BTN3A3: variants seen among roughly 807,000 people sequenced by gnomAD.
The protein encoded by BTN3A3 is butyrophilin 3.
In BTN3A3, 39 loss-of-function variants were observed where a neutral mutation model predicts 43.2. The ratio of observed to expected loss-of-function variants is 0.90; its 90% confidence interval spans 0.70 to 1.18. The LOEUF (loss-of-function observed/expected upper bound fraction) is 1.18, where lower values mean the gene tolerates loss of function less well. Ranked by LOEUF, BTN3A3 falls within the 50% of genes most tolerant of loss-of-function variation. The pLI, the probability that BTN3A3 is intolerant of heterozygous loss-of-function variation, is 0.00. For synonymous variants in BTN3A3, 255 were observed against 272.7 expected, an observed-to-expected ratio of 0.93 and a Z score of 0.64; for missense variants, 631 against 722.8, an observed-to-expected ratio of 0.87 and a Z score of 1.46.
intron 4 of BTN3A3, chr6:26,444,727 C>G: frequency 3.4e-6 from 1 of 295,398 alleles, no homozygotes; most frequent in South Asian, 3.9e-5. Context: ...ATCAGTGACT[C>G]CCAGAAACAT....
At chr6:26,447,727 A>C (rs965562042) in intron 5 of BTN3A3, among the ~76,000 whole-genome samples, 9 of 152,076 alleles carry the variant, frequency 5.9e-5, no homozygotes, top group Non-Finnish European at 1.3e-4. Flanking sequence ...CATTACCCTC[A>C]TTTTATAGAT....
In BTN3A3 at chr6:26,444,175, G is replaced by T; in HGVS notation, c.304G>T (p.Asp102Tyr). The change falls in exon 4 of 11, where the codon GAT (aspartate) becomes TAT (tyrosine). Residue 102 changes from aspartate to tyrosine, a missense_variant. Asp to Tyr is a radical substitution (Grantham distance 160, BLOSUM62 -3). Coordinates refer to ENST00000244519, the MANE Select transcript of BTN3A3 (RefSeq NM_006994.5). ...TCGAGGGAGAACTTCGATTCTGCGG[G>T]ATGGCATCACTGCAGGGAAGGCTGC... ...PYRGRTSILR[D>Y]GITAGKAALR... 1 of 1,612,056 alleles carries T rather than the reference G, an allele frequency of 6.2e-7. No individual in the cohort carries two copies. Among genetic ancestry groups the T allele is most frequent in the Non-Finnish European group, 8.5e-7 (1 of 1,179,854 alleles).
chr6:26,448,153 C>T (rs1237804048), intron 5 of BTN3A3, 95 bp from the exon 6 acceptor site: 3 of 1,394,348 alleles, frequency 2.2e-6, no homozygotes, highest in Non-Finnish European at 2.9e-6. Context: ...GGATTCCATG[C>T]CCCCAACCTG....
In BTN3A3 at chr6:26,449,632, G is replaced by A. The variant is rs142522049; in HGVS notation, c.965-30G>A. 803 of 1,614,000 alleles carry A rather than the reference G, an allele frequency of 5.0e-4. 12 individuals are homozygous for A. In the East Asian group the frequency reaches 0.016, roughly 33 times the overall value. ...GCCAACAGAGCAAAGGCAGTGTTCA[G>A]GTGACACCTCTATCTTTCTTTCATT... On this transcript the variant is annotated intron_variant, in intron 8 of 10. Transcript: ENST00000244519.
chr6:26,451,551 G>C lies in BTN3A3; in HGVS notation c.1019-124G>C, dbSNP rs973064432. 8.2e-6 allele frequency: 12 copies of C among 1,470,938 alleles called. No individual in the cohort carries two copies. The Admixed American group carries it at 1.9e-4, about 24-fold the overall frequency. The allele number at this position is 1,470,938 out of a possible 1,614,324, so 91.1% of individuals were successfully genotyped here. ...GACATTGATGAGAGAGTCATATTTA[G>C]AGCAGGCTAGGGACGCCAGGTTCTG... is the stretch of plus-strand genomic sequence containing the variant. On this transcript the variant is annotated intron_variant, in intron 10 of 10. Coordinates refer to ENST00000244519, the MANE Select transcript of BTN3A3 (RefSeq NM_006994.5).
At chr6:26,446,090 C>A in intron 5 of BTN3A3, 105 bp downstream of exon 5, 1 of 1,533,888 alleles carries the variant, frequency 6.5e-7, no homozygotes, top group Non-Finnish European at 8.9e-7. Flanking sequence ...CAACCTGGGT[C>A]TCTACAATGC....
chr6:26,444,009 A>G lies in BTN3A3; in HGVS notation c.138A>G (p.Glu46=), dbSNP rs1377157034. ...PSGPILAMVG[E]DADLPCHLFP... is the part of the protein sequence containing the mutation. Reference sequence around the variant, plus strand: ...GGCCCATCCTGGCCATGGTGGGTGAAGACGCTGATCTGCCCTGTCACCTGT... The same window carrying G: ...GGCCCATCCTGGCCATGGTGGGTGAGGACGCTGATCTGCCCTGTCACCTGT... Residue 46 remains glutamate, a synonymous_variant, in exon 4 of 11, where the codon GAA becomes GAG. Transcript: ENST00000244519. 1.2e-6 allele frequency: 2 copies of G among 1,613,904 alleles called. No individual in the cohort carries two copies. Among genetic ancestry groups the G allele is most frequent in the Non-Finnish European group, 1.7e-6 (2 of 1,179,850 alleles).
At chr6:26,451,404 G>A (rs747903196) in intron 10 of BTN3A3, among the ~76,000 whole-genome samples, 1 of 152,180 alleles carries the variant, frequency 6.6e-6, no homozygotes, top group Non-Finnish European at 1.5e-5. Context: ...AGGGAAACAA[G>A]AAAAATGTAG....
intron 3 of BTN3A3, 27 bp from the exon 4 acceptor site, chr6:26,443,930 G>A: frequency 1.2e-6 from 2 of 1,613,850 alleles, no homozygotes; most frequent in Non-Finnish European, 1.7e-6. Context: ...AAAACCCTCT[G>A]ATGGAGCTTC....
At chr6:26,446,109 C>A in intron 5 of BTN3A3, 124 bp downstream of exon 5, 2 of 1,474,030 alleles carry the variant, frequency 1.4e-6, no homozygotes, top group Non-Finnish European at 9.2e-7. Flanking sequence ...GCATGTAAGG[C>A]TCAAAGCAGG....
Position 26,452,279 on chromosome 6 carries a change from T to C in BTN3A3, c.1623T>C (p.Ala541=). The C allele has an allele frequency of 3.7e-6, 6 of 1,614,104 alleles. No individual in the cohort carries two copies. The highest frequency in any genetic ancestry group is 5.1e-6 in the Non-Finnish European group (6 of 1,180,008). Residue 541 remains alanine, a synonymous_variant, in exon 11 of 11, where the codon GCT becomes GCC. Coordinates refer to ENST00000244519, the MANE Select transcript of BTN3A3 (RefSeq NM_006994.5). The part of the protein sequence containing the change: ...SLETPLTPGL[A]NESGEPQAEV... ...AGACACCACTGACCCCGGGCTTAGC[T>C]AATGAAAGTGGGGAGCCTCAGGCTG...
At chr6:26,448,681 C>T in intron 7 of BTN3A3, 44 bp downstream of exon 7, 1 of 1,613,988 alleles carries the variant, frequency 6.2e-7, no homozygotes, top group Admixed American at 1.7e-5. Flanking sequence ...TCTTCTTATC[C>T]CCACTTTGAG....
chr6:26,447,472 A>G (rs1247857816), intron 5 of BTN3A3, among the ~76,000 whole-genome samples: 2 of 151,898 alleles, frequency 1.3e-5, no homozygotes, highest in African/African-American at 2.4e-5. Flanking sequence ...AAGCAATTCT[A>G]TAGCCTCAGC....
rs772317139 is a variant in BTN3A3, at chr6:26,450,107, A to G, written c.992A>G (p.Glu331Gly). ...ARGEKSLAYH[E>G]WKMALFKPAD... ...CTTATCTGTGTCTCCTTCCTTTCAGAATGGAAAATGGCCCTCTTCAAACCT... is the reference window on the plus strand; with the variant it reads ...CTTATCTGTGTCTCCTTCCTTTCAGGATGGAAAATGGCCCTCTTCAAACCT... The change falls in exon 10 of 11, where the codon GAA becomes GGA. Residue 331 changes from glutamate (E) to glycine (G), a missense_variant and splice_region_variant. This residue lies in a region of BTN3A3 where 551 missense variants were observed against 584.0 expected (regional missense o/e 0.94). Transcript: ENST00000244519. 6.2e-7 allele frequency: 1 copy of G among 1,613,712 alleles called. No individual in the cohort carries two copies. The highest frequency in any genetic ancestry group is 1.7e-5 in the Admixed American group (1 of 60,016).
chr6:26,443,660 G>C lies in BTN3A3; in HGVS notation c.85+1G>C. The stretch of plus-strand genomic sequence containing the variant: ...GTCCAGCTGCTCACTCCTTGCTCAG[G>C]TAGGGAATGATTCCATGATTCCACA... On this transcript the variant is annotated splice_donor_variant, in intron 3 of 10. Transcript: ENST00000244519. LOFTEE classifies it high-confidence loss of function. 3 of 1,614,056 alleles carry C rather than the reference G, an allele frequency of 1.9e-6. No individual in the cohort carries two copies. The highest frequency in any genetic ancestry group is 2.5e-6 in the Non-Finnish European group (3 of 1,179,948).
rs1267901768 is a variant in BTN3A3, at chr6:26,445,685, G to T, written c.434-19G>T. On this transcript the variant is annotated intron_variant, in intron 4 of 10. Coordinates refer to ENST00000244519, the MANE Select transcript of BTN3A3 (RefSeq NM_006994.5). ...ATACAGGAGCTCTCAAGAATTTAGGGCAATTTATCCTTCTACAGCATTGGG... is the reference window on the plus strand; with the variant it reads ...ATACAGGAGCTCTCAAGAATTTAGGTCAATTTATCCTTCTACAGCATTGGG... 1 of 1,606,596 alleles carries T rather than the reference G, an allele frequency of 6.2e-7. No homozygotes were observed.
rs548162241 is a variant in BTN3A3, at chr6:26,453,162, T to C, written c.*751T>C. The C allele has an allele frequency of 3.9e-5, 6 of 152,302 alleles. No homozygotes were observed. The South Asian group carries it at 1.0e-3, about 26-fold the overall frequency. The allele number at this position is 152,302 out of a possible 1,614,324, so 9.4% of individuals were successfully genotyped here. On this transcript the variant is annotated 3_prime_UTR_variant, in exon 11 of 11. Transcript: ENST00000244519. ...AATACCCTAGAGATTCTCTGTGATA[T>C]AGGAAATTTGGATCAAGGAAGCTAA...
chr6:26,452,469 C>T lies in BTN3A3; in HGVS notation c.*58C>T, dbSNP rs1762959254. The T allele has an allele frequency of 7.0e-7, 1 of 1,418,566 alleles. No homozygotes were observed. The highest frequency in any genetic ancestry group is 1.4e-5 in the African/African-American group (1 of 70,038). 87.9% of individuals were successfully genotyped at this position (1,418,566 alleles called of 1,614,324 possible). On this transcript the variant is annotated 3_prime_UTR_variant, in exon 11 of 11. Coordinates refer to ENST00000244519, the MANE Select transcript of BTN3A3 (RefSeq NM_006994.5). ...TTGAGTTTCGTACCACCTTATTGTC[C>T]CCTTATACAGATAAGGAAACTGGGG... is the stretch of plus-strand genomic sequence containing the variant.
chr6:26,452,351 C>T lies in BTN3A3; in HGVS notation c.1695C>T (p.Ser565=). 1.2e-6 allele frequency: 2 copies of T among 1,610,266 alleles called. No homozygotes were observed. The highest frequency in any genetic ancestry group is 1.7e-6 in the Non-Finnish European group (2 of 1,179,992). Residue 565 remains serine (S), a synonymous_variant, in exon 11 of 11, where the codon TCC becomes TCT. Transcript: ENST00000244519. ...LLPAHPGAEV[S]PSATTNQNHK... ...CTGCCCACCCTGGAGCTGAGGTCTC[C>T]CCTTCTGCAACAACCAATCAGAACC...
Sources: gnomAD v4.1 joint callset for allele counts (sites outside exome capture counted in the v4.1 genomes callset) on GRCh38, gnomAD v4.1.1 for gene constraint, gnomAD v4.1.1 regional missense constraint, MANE v1.5 for transcripts, NCBI Gene and HGNC (gene_info 2026-07-23, HGNC 2026-07-21) for gene names.